The following KCTD1 variants were observed in gnomAD, a reference collection of about 807,000 sequenced individuals.
KCTD1 encodes potassium channel tetramerization domain containing 1.
A neutral mutation model predicts 66.0 loss-of-function variants in KCTD1; 24 were observed. The observed-to-expected ratio is 0.36, with a 90% CI of 0.26 to 0.51. The LOEUF is 0.51. KCTD1 is among the 20% of genes least tolerant of loss of function. The probability of loss-of-function intolerance (pLI) is 0.95; values close to 1 mark genes in which losing one functional copy is unlikely to be tolerated. For synonymous variants in KCTD1, 511 were observed against 517.2 expected, an observed-to-expected ratio of 0.99 and a Z score of 0.16; for missense variants, 943 against 1,205.2, an observed-to-expected ratio of 0.78 and a Z score of 3.22.
upstream of KCTD1, chr18:26,548,581 A>C: frequency 8.3e-7 from 1 of 1,206,520 alleles, no homozygotes; most frequent in Non-Finnish European, 1.0e-6. Flanking sequence ...CATGCGCTAT[A>C]TTGGACCGCA....
chr18:26,515,268 G>A (rs1317412582), intron 1 of KCTD1, among the ~76,000 whole-genome samples: 2 of 152,154 alleles, frequency 1.3e-5, no homozygotes, highest in African/African-American at 4.8e-5. Context: ...GAACAATCAT[G>A]ACCCTTGTAA....
At chr18:26,562,654 A>G (rs1426965007) in intron 1 of KCTD1, among the ~76,000 whole-genome samples, 1 of 152,170 alleles carries the variant, frequency 6.6e-6, no homozygotes, top group African/African-American at 2.4e-5. Context: ...GGTACTATTA[A>G]CAAAATACTA....
At chr18:26,548,843 G>A, upstream of KCTD1, 1 of 1,025,610 alleles carries the variant, frequency 9.8e-7, no homozygotes, top group Non-Finnish European at 1.2e-6. Flanking sequence ...AAAAAAAAAA[G>A]GAAAGGGAGG....
At chr18:26,531,333 G>C (rs1984425579) in intron 1 of KCTD1, among the ~76,000 whole-genome samples, 1 of 151,832 alleles carries the variant, frequency 6.6e-6, no homozygotes, top group African/African-American at 2.4e-5. Flanking sequence ...CTCTATTAAA[G>C]AAAAATAAAT....
chr18:26,552,676 G>A (rs1985604628), upstream of KCTD1, among the ~76,000 whole-genome samples: 1 of 152,192 alleles, frequency 6.6e-6, no homozygotes. Context: ...GAAGTAGAGT[G>A]AGGGACCCTT....
intron 2 of KCTD1, among the ~76,000 whole-genome samples, chr18:26,480,396 C>T (rs1405143200): frequency 6.6e-6 from 1 of 152,104 alleles, no homozygotes; most frequent in East Asian, 1.9e-4. Flanking sequence ...TTGGAAAGTT[C>T]ACTCAAAATA....
chr18:26,473,365 T>C (rs1288323348), intron 3 of KCTD1, among the ~76,000 whole-genome samples: 2 of 151,618 alleles, frequency 1.3e-5, no homozygotes, highest in African/African-American at 2.4e-5. Context: ...ACAATGAGAA[T>C]ACATGGACAA....
At chr18:26,573,403 T>C (rs1986154534) in intron 1 of KCTD1, among the ~76,000 whole-genome samples, 1 of 152,208 alleles carries the variant, frequency 6.6e-6, no homozygotes, top group Non-Finnish European at 1.5e-5. Flanking sequence ...ATTGTTAAGA[T>C]GGTAAATATT....
intron 1 of KCTD1, among the ~76,000 whole-genome samples, chr18:26,535,992 A>ATTT (rs200199492): frequency 2.0e-5 from 3 of 148,972 alleles, no homozygotes; most frequent in African/African-American, 7.5e-5. Context: ...AAAAAAGAAG[A>ATTT]TTTTTTTTCC....
chr18:26,543,935 C>T, intron 1 of KCTD1: 1 of 152,218 alleles, frequency 6.6e-6, no homozygotes, highest in African/African-American at 2.4e-5. Flanking sequence ...TTATAAATCT[C>T]TATCATCCCT....
chr18:26,611,539 C>T (rs9963955), intron 1 of KCTD1, among the ~76,000 whole-genome samples: 4,537 of 152,116 alleles, frequency 0.03, 105 homozygotes, highest in African/African-American at 0.072. Flanking sequence ...TTAGTAGAGG[C>T]GGAGTTTCAC....
chr18:26,496,287 A>G (rs1982467946), intron 2 of KCTD1, among the ~76,000 whole-genome samples: 1 of 152,190 alleles, frequency 6.6e-6, no homozygotes, highest in South Asian at 2.1e-4. Context: ...AAACTATTAA[A>G]CAAAATATGT....
At chr18:26,606,234 C>T (rs551749834) in intron 1 of KCTD1, among the ~76,000 whole-genome samples, 1 of 152,000 alleles carries the variant, frequency 6.6e-6, no homozygotes, top group African/African-American at 2.4e-5. Flanking sequence ...TTTCTTAAGG[C>T]CTGTGTTGAT....
At chr18:26,467,537 C>G (rs551991522) in intron 3 of KCTD1, among the ~76,000 whole-genome samples, 2 of 148,430 alleles carry the variant, frequency 1.3e-5, no homozygotes, top group East Asian at 4.1e-4. Flanking sequence ...TTTTTAAGGC[C>G]GGGCACAATG....
Position 26,500,571 on chromosome 18 carries a change from T to C in KCTD1, c.1988+501A>G, listed in dbSNP as rs75899106. Among the ~76,000 whole-genome samples, 894 of 152,340 alleles carry C rather than the reference T, an allele frequency of 5.9e-3. 9 individuals are homozygous for C. Among genetic ancestry groups the C allele is most frequent in the African/African-American group, 0.02 (849 of 41,558 alleles). ...ATCTACCTTAAGTTCGTAAGTTCCATGGCCCTTCATTTTTTGTAAACTATA... is the reference window on the plus strand; with the variant it reads ...ATCTACCTTAAGTTCGTAAGTTCCACGGCCCTTCATTTTTTGTAAACTATA... On this transcript the variant is annotated intron_variant, in intron 2 of 4. Coordinates refer to ENST00000580059, the MANE Select transcript of KCTD1 (RefSeq NM_001142730.3).
In KCTD1 at chr18:26,455,666, A is replaced by C. The variant is rs867327915; in HGVS notation, c.*77T>G. 6.3e-7 allele frequency: 1 copy of C among 1,595,072 alleles called. No individual in the cohort carries two copies. The highest frequency in any genetic ancestry group is 1.7e-4 in the Middle Eastern group (1 of 5,898). On this transcript the variant is annotated 3_prime_UTR_variant, in exon 5 of 5. Transcript: ENST00000580059. ...GTCCAGGACTTGGTTTGCTGTCCCA[A>C]CTGCACATAAATGTCCCTTTTTTGT...
intron 2 of KCTD1, among the ~76,000 whole-genome samples, chr18:26,478,198 A>AT (rs1360746639): frequency 6.6e-6 from 1 of 152,220 alleles, no homozygotes; most frequent in African/African-American, 2.4e-5. Context: ...AAAGGGAGCT[A>AT]TATTAAGTGC....
At chr18:26,574,987 T>C (rs987146850) in intron 1 of KCTD1, among the ~76,000 whole-genome samples, 10 of 152,218 alleles carry the variant, frequency 6.6e-5, no homozygotes, top group Non-Finnish European at 1.5e-4. Flanking sequence ...CCACGAACCA[T>C]GGAGGAAATC....
chr18:26,532,531 C>T (rs902666972), intron 1 of KCTD1, among the ~76,000 whole-genome samples: 10 of 152,066 alleles, frequency 6.6e-5, no homozygotes, highest in Admixed American at 2.6e-4. Flanking sequence ...CCCAAAGTGC[C>T]GGGGTTACAG....
Sources: gnomAD v4.1 joint callset for allele counts (sites outside exome capture counted in the v4.1 genomes callset) on GRCh38, gnomAD v4.1.1 for gene constraint, MANE v1.5 for transcripts, NCBI Gene and HGNC (gene_info 2026-07-23, HGNC 2026-07-21) for gene names.